Variants in CCDC68 observed in about 807,000 individuals in gnomAD.
CCDC68 encodes the protein coiled-coil domain containing 68, also known as coiled-coil domain-containing protein 68.
In CCDC68, 45 loss-of-function variants were observed where a neutral mutation model predicts 47.1. That is an observed-to-expected ratio of 0.96 (90% CI 0.75 to 1.23). The LOEUF (loss-of-function observed/expected upper bound fraction) is 1.23. Among genes scored for constraint, CCDC68 ranks in the 50% most tolerant of loss-of-function variants. CCDC68 has a pLI of 0.00. For missense variants in CCDC68, 353 were observed against 373.6 expected (o/e 0.94, Z 0.45); for synonymous variants, 131 against 129.5 (o/e 1.01, Z -0.08).
chr18:54,912,040 T>C (rs1914400112), intron 10 of CCDC68, among the ~76,000 whole-genome samples: 1 of 152,204 alleles, frequency 6.6e-6, no homozygotes, highest in Non-Finnish European at 1.5e-5. Context: ...TGGCTCTGTC[T>C]AAGGATAGTT....
At chr18:54,928,477 C>A (rs1348334029) in intron 8 of CCDC68, among the ~76,000 whole-genome samples, 4 of 152,154 alleles carry the variant, frequency 2.6e-5, no homozygotes, top group African/African-American at 7.2e-5. Flanking sequence ...TCTCAAGCGT[C>A]CTCCTTAGCA....
At chr18:54,945,586 C>A (rs1473123490) in intron 1 of CCDC68, 109 bp from the exon 2 acceptor site, 3 of 152,028 alleles carry the variant, frequency 2.0e-5, no homozygotes, top group East Asian at 1.9e-4. Flanking sequence ...CACTTTGAAA[C>A]AAGATCGCTT....
At chr18:54,919,405 A>G in intron 8 of CCDC68, 29 bp from the exon 9 acceptor site, 2 of 1,524,516 alleles carry the variant, frequency 1.3e-6, no homozygotes, top group Non-Finnish European at 1.8e-6. Flanking sequence ...AAAGACCAAG[A>G]GAAAATGATT....
At position 54,940,993 on chromosome 18, in the gene CCDC68, T is replaced by C; in HGVS notation, c.204+4A>G. On this transcript the variant is annotated splice_donor_region_variant and intron_variant, in intron 4 of 11. Transcript: ENST00000591504. ...TATGCTAATCTTCTGCAGGAAATTA[T>C]TACCTTTGCATCTAGTTTGTGATTT... The C allele has an allele frequency of 6.3e-7, 1 of 1,591,698 alleles. No individual in the cohort carries two copies. The highest frequency in any genetic ancestry group is 2.2e-5 in the East Asian group (1 of 44,708).
At chr18:54,923,854 A>G (rs146917560) in intron 8 of CCDC68, among the ~76,000 whole-genome samples, 1 of 152,182 alleles carries the variant, frequency 6.6e-6, no homozygotes, top group South Asian at 2.1e-4. Flanking sequence ...TGGGAATTAC[A>G]GGCACCCATC....
chr18:54,932,298 C>T lies in CCDC68; in HGVS notation c.600+2522G>A, dbSNP rs557992940. 2.6e-5 allele frequency among the ~76,000 whole-genome samples: 4 copies of T among 151,778 alleles called. No homozygotes were observed. In the South Asian group the frequency reaches 8.3e-4, roughly 32 times the overall value. ...CTCCCAGGTTCAAGTGATTCTCATG[C>T]CTCAGCCTCCAGAGTAGCTGGGACT... On this transcript the variant is annotated intron_variant, in intron 7 of 11. Coordinates refer to ENST00000591504, the MANE Select transcript of CCDC68 (RefSeq NM_025214.3).
Position 54,919,350 on chromosome 18 carries a change from G to A in CCDC68, c.710C>T (p.Ser237Phe). Reference protein sequence around the residue: ...KSCQDLQREISILQEQISHLQ... With the variant: ...KSCQDLQREIFILQEQISHLQ... ...ATGAGAGATCTGCTCCTGGAGAATG[G>A]AAATCTCCCTCTGAAGATCCTGGCA... is the stretch of plus-strand genomic sequence containing the variant. The change falls in exon 9 of 12, where the codon TCC (serine) becomes TTC (phenylalanine). Residue 237 changes from serine to phenylalanine, a missense_variant. Ser to Phe is a radical substitution (Grantham distance 155, BLOSUM62 -2). Coordinates refer to ENST00000591504, the MANE Select transcript of CCDC68 (RefSeq NM_025214.3). 6.2e-7 allele frequency: 1 copy of A among 1,613,666 alleles called. No homozygotes were observed. Among genetic ancestry groups the A allele is most frequent in the Non-Finnish European group, 8.5e-7 (1 of 1,179,620 alleles).
intron 8 of CCDC68, among the ~76,000 whole-genome samples, chr18:54,922,987 C>CAAA (rs1183607769): frequency 2.7e-4 from 11 of 40,012 alleles, no homozygotes; most frequent in South Asian, 1.1e-3. Flanking sequence ...GACTCCGTCT[C>CAAA]AAAAAAAAAA....
intron 10 of CCDC68, among the ~76,000 whole-genome samples, chr18:54,913,228 A>G (rs983517239): frequency 1.3e-5 from 2 of 152,234 alleles, no homozygotes; most frequent in Admixed American, 6.5e-5. Flanking sequence ...TCAGGATTAA[A>G]GAAAACAAAA....
chr18:54,914,420 C>T (rs1433239158), intron 10 of CCDC68, among the ~76,000 whole-genome samples: 1 of 152,002 alleles, frequency 6.6e-6, no homozygotes, highest in Non-Finnish European at 1.5e-5. Context: ...GGGTTCGAGA[C>T]CAGCCTGGCC....
chr18:54,926,510 C>A (rs1423207069), intron 8 of CCDC68, among the ~76,000 whole-genome samples: 1 of 152,170 alleles, frequency 6.6e-6, no homozygotes, highest in African/African-American at 2.4e-5. Flanking sequence ...ATGGGAACTA[C>A]AATTCAAGAT....
chr18:54,945,304 T>C (rs1230994644), intron 2 of CCDC68, 84 bp downstream of exon 2: 2 of 152,138 alleles, frequency 1.3e-5, no homozygotes, highest in African/African-American at 4.8e-5. Flanking sequence ...TAAACTATAA[T>C]AAAAAGCCCT....
chr18:54,904,671 G>A (rs367905723), intron 11 of CCDC68, among the ~76,000 whole-genome samples: 2 of 152,180 alleles, frequency 1.3e-5, no homozygotes, highest in South Asian at 2.1e-4. Context: ...GAGGGAAGCC[G>A]GAGAGAGGAA....
chr18:54,912,226 G>T (rs539099799), intron 10 of CCDC68, among the ~76,000 whole-genome samples: 2 of 152,226 alleles, frequency 1.3e-5, no homozygotes, highest in Non-Finnish European at 2.9e-5. Context: ...CCTTAGCGAA[G>T]AAACTAGAAA....
intron 8 of CCDC68, among the ~76,000 whole-genome samples, chr18:54,920,236 C>CT (rs58528142): frequency 2.4e-4 from 32 of 135,232 alleles, no homozygotes; most frequent in African/African-American, 8.0e-4. Context: ...TTTCTTTTTT[C>CT]TTTTTTTTTT....
At chr18:54,920,430 G>C (rs2044037969) in intron 8 of CCDC68, among the ~76,000 whole-genome samples, 2 of 151,792 alleles carry the variant, frequency 1.3e-5, no homozygotes, top group Admixed American at 1.3e-4. Context: ...TAGTAGAGAT[G>C]GAGTTTCACC....
chr18:54,928,984 T>G, intron 7 of CCDC68, 102 bp from the exon 8 acceptor site: 1 of 683,770 alleles, frequency 1.5e-6, no homozygotes, highest in Non-Finnish European at 2.6e-6. Flanking sequence ...AAAGAGTTAA[T>G]TTCACATGTG....
chr18:54,910,603 G>T (rs1218241372), intron 10 of CCDC68, among the ~76,000 whole-genome samples: 5 of 152,190 alleles, frequency 3.3e-5, no homozygotes. Flanking sequence ...GCCCCCTTCT[G>T]CCCAGGAGCC....
At chr18:54,928,189 A>G (rs1351171766) in intron 8 of CCDC68, among the ~76,000 whole-genome samples, 3 of 152,248 alleles carry the variant, frequency 2.0e-5, no homozygotes, top group African/African-American at 4.8e-5. Flanking sequence ...ACATGATAAT[A>G]CAGAGACTTT....
Sources: gnomAD v4.1 joint callset for allele counts (sites outside exome capture counted in the v4.1 genomes callset) on GRCh38, gnomAD v4.1.1 for gene constraint, MANE v1.5 for transcripts, NCBI Gene and HGNC (gene_info 2026-07-23, HGNC 2026-07-21) for gene names.